Variants in SLC6A6 observed in about 807,000 individuals in gnomAD.
SLC6A6 encodes solute carrier family 6 member 6, also known as sodium- and chloride-dependent taurine transporter.
Under a neutral mutation model 68.8 loss-of-function variants are expected in SLC6A6, and 16 were observed. The observed-to-expected ratio is 0.23, with a 90% CI of 0.16 to 0.35. The LOEUF is 0.35. SLC6A6 is among the 10% of genes least tolerant of loss of function. The probability of loss-of-function intolerance (pLI) is 1.00; values close to 1 mark genes in which losing one functional copy is unlikely to be tolerated. For synonymous variants in SLC6A6, 312 were observed against 315.4 expected (o/e 0.99, Z 0.12); for missense variants, 474 against 802.8 (o/e 0.59, Z 4.95).
intron 12 of SLC6A6, chr3:14,478,883 G>A: frequency 3.3e-6 from 2 of 600,760 alleles, no homozygotes; most frequent in South Asian, 4.0e-5. Context: ...AGGGTTTGGA[G>A]TGTGCCTCAG....
At chr3:14,406,914 G>A (rs2124891120) in intron 1 of SLC6A6, among the ~76,000 whole-genome samples, 1 of 152,310 alleles carries the variant, frequency 6.6e-6, no homozygotes, top group Non-Finnish European at 1.5e-5. Flanking sequence ...CCCTAACTGT[G>A]GTCAGGTATC....
At chr3:14,447,547 C>T (rs1463127589) in intron 4 of SLC6A6, 35 bp from the exon 5 acceptor site, 9 of 1,611,044 alleles carry the variant, frequency 5.6e-6, no homozygotes, top group Non-Finnish European at 7.6e-6. Flanking sequence ...TGGCCTCCCT[C>T]AGATGTTTAC....
intron 6 of SLC6A6, among the ~76,000 whole-genome samples, chr3:14,466,123 A>G (rs772286813): frequency 2.0e-5 from 3 of 152,066 alleles, no homozygotes; most frequent in Non-Finnish European, 4.4e-5. Context: ...TTAGCTGGGC[A>G]TGGTGGTGGG....
chr3:14,462,857 A>G (rs1263402426), intron 6 of SLC6A6, among the ~76,000 whole-genome samples: 1 of 152,180 alleles, frequency 6.6e-6, no homozygotes, highest in African/African-American at 2.4e-5. Context: ...AAGGAGACAC[A>G]TGCCTAGATG....
intron 2 of SLC6A6, among the ~76,000 whole-genome samples, chr3:14,429,083 C>G (rs1039463317): frequency 2.0e-5 from 3 of 152,214 alleles, no homozygotes; most frequent in African/African-American, 7.2e-5. Context: ...GCTTCTCCCC[C>G]CAGTCTCAAA....
At chr3:14,467,208 G>A (rs184239467) in intron 7 of SLC6A6, among the ~76,000 whole-genome samples, 19 of 152,288 alleles carry the variant, frequency 1.2e-4, no homozygotes, top group African/African-American at 3.4e-4. Context: ...AGGGCCTTCC[G>A]GTTGCTTCCC....
chr3:14,445,433 A>G (rs1325950910), intron 3 of SLC6A6, among the ~76,000 whole-genome samples: 1 of 125,202 alleles, frequency 8.0e-6, no homozygotes, highest in Non-Finnish European at 1.6e-5. Context: ...AAGAAAAAAA[A>G]AAAAGAAAAA....
intron 10 of SLC6A6, among the ~76,000 whole-genome samples, chr3:14,473,259 G>T (rs1299173099): frequency 1.3e-5 from 2 of 152,228 alleles, no homozygotes; most frequent in Non-Finnish European, 2.9e-5. Context: ...TCCAGGAGTA[G>T]GGATTTATGG....
chr3:14,414,930 C>T (rs1699330932), intron 1 of SLC6A6, among the ~76,000 whole-genome samples: 1 of 152,200 alleles, frequency 6.6e-6, no homozygotes, highest in East Asian at 1.9e-4. Flanking sequence ...TTCTCTTAAC[C>T]TCGTGCTTTA....
intron 3 of SLC6A6, 111 bp downstream of exon 3, chr3:14,443,974 C>A (rs549731235): frequency 2.7e-6 from 2 of 730,554 alleles, no homozygotes; most frequent in East Asian, 2.7e-5. Context: ...CCCTGGCCCC[C>A]CCCCTTGACC....
At chr3:14,416,131 G>A (rs1231616211) in intron 1 of SLC6A6, among the ~76,000 whole-genome samples, 2 of 152,188 alleles carry the variant, frequency 1.3e-5, no homozygotes, top group South Asian at 2.1e-4. Flanking sequence ...GGGTCTGTGT[G>A]TGGCTGTGAA....
At chr3:14,466,710 C>T (rs1295062570) in intron 7 of SLC6A6, 60 bp downstream of exon 7, 7 of 1,515,654 alleles carry the variant, frequency 4.6e-6, no homozygotes, top group Non-Finnish European at 6.3e-6. Context: ...CGGCACAGGA[C>T]AGGGCAGGAT....
chr3:14,484,901 A>G lies in SLC6A6; in HGVS notation c.1757A>G (p.Asn586Ser), dbSNP rs774349816. ...TACCTGCTGACCCCAAGGGAACCCAACCGCTGGGCTGTGGAGCGCGAGGGA... is the reference window on the plus strand; with the variant it reads ...TACCTGCTGACCCCAAGGGAACCCAGCCGCTGGGCTGTGGAGCGCGAGGGA... ...VKYLLTPREPNRWAVEREGAT... is the reference protein window; with the variant it reads ...VKYLLTPREPSRWAVEREGAT... The change falls in exon 15 of 15, where the codon AAC (asparagine) becomes AGC (serine). Residue 586 changes from asparagine to serine, a missense_variant. This residue lies in a region of SLC6A6 where 194 missense variants were observed against 269.8 expected (regional missense o/e 0.72). Transcript: ENST00000622186. The G allele has an allele frequency of 3.1e-6, 5 of 1,612,024 alleles. No individual in the cohort carries two copies. The highest frequency in any genetic ancestry group is 3.4e-6 in the Non-Finnish European group (4 of 1,179,982).
intron 14 of SLC6A6, among the ~76,000 whole-genome samples, chr3:14,484,242 T>G (rs1378427648): frequency 6.6e-6 from 1 of 152,184 alleles, no homozygotes; most frequent in Non-Finnish European, 1.5e-5. Flanking sequence ...AGGAGTGATC[T>G]AGAATTCCCA....
intron 6 of SLC6A6, among the ~76,000 whole-genome samples, chr3:14,461,453 G>T (rs7642930): frequency 6.6e-6 from 1 of 151,966 alleles, no homozygotes; most frequent in Non-Finnish European, 1.5e-5. Context: ...TAAGTAGGGC[G>T]TGTGGCAGGC....
At chr3:14,403,308 G>A (rs1484821404) in intron 1 of SLC6A6, among the ~76,000 whole-genome samples, 1 of 152,124 alleles carries the variant, frequency 6.6e-6, no homozygotes, top group Admixed American at 6.5e-5. Context: ...TGATACCTGA[G>A]TGTGCTGTCT....
chr3:14,408,039 T>G (rs1699149894), intron 1 of SLC6A6, among the ~76,000 whole-genome samples: 2 of 152,158 alleles, frequency 1.3e-5, no homozygotes, highest in Non-Finnish European at 2.9e-5. Flanking sequence ...TTTGGGTTGT[T>G]TCCAGCTGGG....
chr3:14,412,203 A>G (rs1699266339), intron 1 of SLC6A6, among the ~76,000 whole-genome samples: 1 of 152,176 alleles, frequency 6.6e-6, no homozygotes, highest in Non-Finnish European at 1.5e-5. Flanking sequence ...TGGTTTTTCA[A>G]GATGTCCTAG....
intron 2 of SLC6A6, among the ~76,000 whole-genome samples, chr3:14,433,212 C>T (rs1284450427): frequency 6.6e-6 from 1 of 152,176 alleles, no homozygotes; most frequent in Non-Finnish European, 1.5e-5. Flanking sequence ...CGCCACCTCC[C>T]CCAGAGAGAA....
Sources: gnomAD v4.1 joint callset for allele counts (sites outside exome capture counted in the v4.1 genomes callset) on GRCh38, gnomAD v4.1.1 for gene constraint, gnomAD v4.1.1 regional missense constraint, MANE v1.5 for transcripts, NCBI Gene and HGNC (gene_info 2026-07-23, HGNC 2026-07-21) for gene names.